Variants in TYR observed in about 807,000 individuals in gnomAD.
The protein encoded by TYR is tyrosinase.
In TYR, 58 loss-of-function variants were observed where a neutral mutation model predicts 51.5. The observed-to-expected ratio is 1.13, with a 90% CI of 0.91 to 1.40. The LOEUF (loss-of-function observed/expected upper bound fraction) is 1.40, where lower values mean the gene tolerates loss of function less well. TYR is among the 40% of genes most tolerant of loss of function. The pLI is 0.00. For synonymous variants in TYR, 263 were observed against 235.2 expected (o/e 1.12, Z -1.08); for missense variants, 732 against 647.4 (o/e 1.13, Z -1.42).
intron 2 of TYR, 126 bp from the exon 3 acceptor site, chr11:89,227,696 GA>G (rs1943994034): frequency 2.4e-6 from 2 of 838,124 alleles, no homozygotes; most frequent in Admixed American, 4.9e-5. Context: ...AATACGGAAT[GA>G]ATTTTATTTT....
chr11:89,235,907 A>G (rs539911964), intron 3 of TYR, among the ~76,000 whole-genome samples: 2 of 152,256 alleles, frequency 1.3e-5, no homozygotes, highest in Admixed American at 6.5e-5. Flanking sequence ...ACTCCACAAT[A>G]TATACATATA....
intron 3 of TYR, among the ~76,000 whole-genome samples, chr11:89,254,056 T>C (rs1944360833): frequency 6.6e-6 from 1 of 151,752 alleles, no homozygotes; most frequent in Non-Finnish European, 1.5e-5. Flanking sequence ...TTTTGTCAAG[T>C]ACATTTTCTG....
At chr11:89,273,515 A>G (rs1399186680) in intron 3 of TYR, among the ~76,000 whole-genome samples, 1 of 151,902 alleles carries the variant, frequency 6.6e-6, no homozygotes, top group Non-Finnish European at 1.5e-5. Flanking sequence ...ACAGATCATA[A>G]TAAGAGATTT....
At chr11:89,274,368 T>G (rs1199638400) in intron 3 of TYR, among the ~76,000 whole-genome samples, 2 of 151,858 alleles carry the variant, frequency 1.3e-5, no homozygotes, top group African/African-American at 4.8e-5. Flanking sequence ...AAAAGCAGGG[T>G]CTAGTCTGGT....
At chr11:89,189,000 C>T (rs148332502) in intron 1 of TYR, among the ~76,000 whole-genome samples, 235 of 152,132 alleles carry the variant, frequency 1.5e-3, no homozygotes, top group African/African-American at 4.8e-3. Context: ...GGGAAACCAA[C>T]AAAGAACAAC....
At chr11:89,188,180 G>T (rs1483830689) in intron 1 of TYR, among the ~76,000 whole-genome samples, 2 of 151,484 alleles carry the variant, frequency 1.3e-5, no homozygotes, top group Non-Finnish European at 2.9e-5. Context: ...TACTTAAAAT[G>T]CTAATACTTA....
At chr11:89,218,979 G>A (rs886345260) in intron 2 of TYR, among the ~76,000 whole-genome samples, 39 of 152,258 alleles carry the variant, frequency 2.6e-4, no homozygotes, top group African/African-American at 8.7e-4. Context: ...AATTTAACCT[G>A]CCCTTGCCTG....
Position 89,227,816 on chromosome 11 carries a change from T to A in TYR, c.1037-7T>A, listed in dbSNP as rs61754381. ...ACATATTTTTTTCATTTTTTTTTAA[T>A]GAACAGGATTTGCTAGTCCACTTAC... is the stretch of plus-strand genomic sequence containing the variant. On this transcript the variant is annotated splice_polypyrimidine_tract_variant and splice_region_variant and intron_variant, in intron 2 of 4. Coordinates refer to ENST00000263321, the MANE Select transcript of TYR (RefSeq NM_000372.5). 813 of 1,611,808 alleles carry A rather than the reference T, an allele frequency of 5.0e-4. 3 individuals carry two copies. Among genetic ancestry groups the A allele is most frequent in the Middle Eastern group, 1.5e-3 (9 of 6,052 alleles).
intron 2 of TYR, among the ~76,000 whole-genome samples, chr11:89,193,227 T>G (rs1943470337): frequency 1.3e-5 from 2 of 152,076 alleles, no homozygotes; most frequent in African/African-American, 4.8e-5. Context: ...CATTTTGCTG[T>G]TTTTTCAGCC....
rs150239094 is a variant in TYR at position 89,288,879 on chromosome 11, T to A, written c.1366+3925T>A. Among the ~76,000 whole-genome samples the A allele has an allele frequency of 1.6e-4, 24 of 152,060 alleles. No homozygotes were observed. In the East Asian group the frequency reaches 4.5e-3, roughly 28 times the overall value. ...TCTATTCATAGCTAAATTTTAAGCT[T>A]ACTAAAAAATTATTTAAGATTTCTT... On this transcript the variant is annotated intron_variant, in intron 4 of 4. Transcript: ENST00000263321.
chr11:89,214,415 C>A (rs1466840546), intron 2 of TYR, among the ~76,000 whole-genome samples: 4 of 152,082 alleles, frequency 2.6e-5, no homozygotes, highest in Admixed American at 2.0e-4. Context: ...GAAATAGGAA[C>A]CCTTTTACAC....
chr11:89,276,618 G>A (rs183335418), intron 3 of TYR, among the ~76,000 whole-genome samples: 2 of 151,762 alleles, frequency 1.3e-5, no homozygotes, highest in East Asian at 3.9e-4. Flanking sequence ...TATAAAGTGT[G>A]TGAGTCCTGA....
chr11:89,178,263 A>G lies in TYR; in HGVS notation c.310A>G (p.Lys104Glu), dbSNP rs776430376. Residue 104 changes from lysine to glutamate, a missense_variant, in exon 1 of 5, where the codon AAG becomes GAG. Coordinates refer to ENST00000263321, the MANE Select transcript of TYR (RefSeq NM_000372.5). The part of the protein sequence containing the change: ...NFMGFNCGNC[K>E]FGFWGPNCTE... ...CATGGGATTCAACTGTGGAAACTGC[A>G]AGTTTGGCTTTTGGGGACCAAACTG... 6.2e-6 allele frequency: 10 copies of G among 1,614,160 alleles called. No homozygotes were observed. The South Asian group carries it at 1.1e-4, about 18-fold the overall frequency.
chr11:89,210,785 A>G (rs1591157143), intron 2 of TYR, among the ~76,000 whole-genome samples: 1 of 152,216 alleles, frequency 6.6e-6, no homozygotes, highest in Non-Finnish European at 1.5e-5. Context: ...GAAACCCTAT[A>G]AGCCATAGGA....
chr11:89,268,808 C>T (rs1483694092), intron 3 of TYR, among the ~76,000 whole-genome samples: 2 of 151,816 alleles, frequency 1.3e-5, no homozygotes, highest in Admixed American at 6.6e-5. Context: ...TTGTTGATCC[C>T]GCACTGCTCT....
chr11:89,267,843 T>C (rs1200224501), intron 3 of TYR, among the ~76,000 whole-genome samples: 1 of 151,918 alleles, frequency 6.6e-6, no homozygotes, highest in East Asian at 1.9e-4. Context: ...GAATACACAA[T>C]TGGAAGCACT....
At chr11:89,249,948 T>C (rs1353162943) in intron 3 of TYR, among the ~76,000 whole-genome samples, 2 of 151,716 alleles carry the variant, frequency 1.3e-5, no homozygotes, top group Non-Finnish European at 2.9e-5. Context: ...CAAGATAGAG[T>C]ATAGATGCAT....
chr11:89,203,432 G>A (rs1943626149), intron 2 of TYR, among the ~76,000 whole-genome samples: 2 of 152,148 alleles, frequency 1.3e-5, no homozygotes, highest in Non-Finnish European at 2.9e-5. Context: ...AGAAATTCTT[G>A]TGTGAAACAA....
At chr11:89,199,866 G>A (rs776163263) in intron 2 of TYR, among the ~76,000 whole-genome samples, 3 of 152,030 alleles carry the variant, frequency 2.0e-5, no homozygotes, top group Non-Finnish European at 4.4e-5. Flanking sequence ...TATTTAAAAG[G>A]GATAATGTCA....
Sources: gnomAD v4.1 joint callset for allele counts (sites outside exome capture counted in the v4.1 genomes callset) on GRCh38, gnomAD v4.1.1 for gene constraint, MANE v1.5 for transcripts, NCBI Gene and HGNC (gene_info 2026-07-23, HGNC 2026-07-21) for gene names.